The following PTRH2 variants were observed in gnomAD, a reference collection of about 807,000 sequenced individuals.
PTRH2 encodes peptidyl-tRNA hydrolase 2, mitochondrial.
Under a neutral mutation model 12.3 loss-of-function variants are expected in PTRH2, and 10 were observed. The observed-to-expected ratio is 0.81, with a 90% CI of 0.50 to 1.38. PTRH2 has a LOEUF of 1.38. Among genes scored for constraint, PTRH2 ranks in the 40% most tolerant of loss-of-function variants. PTRH2 has a pLI of 0.00. For synonymous variants in PTRH2, 73 were observed against 77.4 expected, an observed-to-expected ratio of 0.94 and a Z score of 0.30; for missense variants, 176 against 214.1, an observed-to-expected ratio of 0.82 and a Z score of 1.11.
intron 1 of PTRH2, among the ~76,000 whole-genome samples, chr17:59,706,422 G>A (rs2143658101): frequency 6.6e-6 from 1 of 152,046 alleles, no homozygotes; most frequent in South Asian, 2.1e-4. Flanking sequence ...AAACTCCTGG[G>A]CTCAAGCAAT....
rs1306175181 is a variant in PTRH2, at chr17:59,697,975, G to C, written c.4C>G (p.Pro2Ala). 1 of 1,610,064 alleles carries C rather than the reference G, an allele frequency of 6.2e-7. No individual in the cohort carries two copies. The highest frequency in any genetic ancestry group is 1.3e-5 in the African/African-American group (1 of 74,904). ...TATTCCATAACCAAGGATTTGGAGG[G>C]CATCTTAAAGGAAAGGAAAACAGTT... M[P>A]SKSLVMEYLA... Residue 2 changes from proline to alanine, a missense_variant, in exon 2 of 2, where the codon CCC becomes GCC. Transcript: ENST00000393038.
At chr17:59,703,841 C>T (rs1227679464) in intron 1 of PTRH2, among the ~76,000 whole-genome samples, 1 of 138,024 alleles carries the variant, frequency 7.2e-6, no homozygotes, top group Non-Finnish European at 1.6e-5. Context: ...CGGAGTCTCA[C>T]TCTATTGCCA....
At position 59,707,423 on chromosome 17, in the gene PTRH2, A is replaced by T. The variant is rs2033708450; in HGVS notation, c.-53T>A. Reference sequence around the variant, plus strand: ...CCTTCCCTTCTTCTGGGCAGCGAACACGTTTCTATCGCGTGAGCTACCTCT... The same window carrying T: ...CCTTCCCTTCTTCTGGGCAGCGAACTCGTTTCTATCGCGTGAGCTACCTCT... On this transcript the variant is annotated 5_prime_UTR_variant, in exon 1 of 2. Transcript: ENST00000393038. 1 of 152,606 alleles carries T rather than the reference A, an allele frequency of 6.6e-6. No homozygotes were observed. 9.5% of individuals were successfully genotyped at this position (152,606 alleles called of 1,614,324 possible).
Position 59,707,376 on chromosome 17 carries a change from G to A in PTRH2, c.-6C>T, listed in dbSNP as rs1598264905. ...TAAGGAGCCAACCAACCTACCTACA[G>A]TACCTCCTTTCCTCACTCGCGCCTT... On this transcript the variant is annotated 5_prime_UTR_variant, in exon 1 of 2. Transcript: ENST00000393038. 2 of 152,788 alleles carry A rather than the reference G, an allele frequency of 1.3e-5. No individual in the cohort carries two copies. Among genetic ancestry groups the A allele is most frequent in the East Asian group, 3.9e-4 (2 of 5,186 alleles). 9.5% of individuals were successfully genotyped at this position (152,788 alleles called of 1,614,324 possible).
rs1194638639 is a variant in PTRH2, at chr17:59,707,145, TAGAA to T, written c.-1+222_-1+225del. On this transcript the variant is annotated intron_variant, in intron 1 of 1. Transcript: ENST00000393038. Reference sequence around the variant, plus strand: ...CCTGCCTGGAGGCTTTGCTGGGAACTAGAAATTCTGAGTCTTCCCCTCCCCAGCA... The same window carrying T: ...CCTGCCTGGAGGCTTTGCTGGGAACTATTCTGAGTCTTCCCCTCCCCAGCA... 3 of 152,284 alleles carry T rather than the reference TAGAA, an allele frequency of 2.0e-5. No homozygotes were observed. The East Asian group carries it at 5.8e-4, about 29-fold the overall frequency. The allele number at this position is 152,284 out of a possible 1,614,324, so 9.4% of individuals were successfully genotyped here.
Position 59,697,927 on chromosome 17 carries a change from C to T in PTRH2, c.52G>A (p.Gly18Ser), listed in dbSNP as rs748645426. The change falls in exon 2 of 2, where the codon GGC (glycine) becomes AGC (serine). Residue 18 changes from glycine to serine, a missense_variant. Gly to Ser is a moderately conservative substitution (Grantham distance 56, BLOSUM62 0). Transcript: ENST00000393038. ...MEYLAHPSTL[G>S]LAVGVACGMC... ...CCACAAGCAACTCCAACAGCCAAGCCGAGTGTACTGGGATGAGCCAAATAT... is the reference window on the plus strand; with the variant it reads ...CCACAAGCAACTCCAACAGCCAAGCTGAGTGTACTGGGATGAGCCAAATAT... 30 of 1,613,858 alleles carry T rather than the reference C, an allele frequency of 1.9e-5. 1 individual carries two copies. Among genetic ancestry groups the T allele is most frequent in the African/African-American group, 6.7e-5 (5 of 74,906 alleles).
intron 1 of PTRH2, chr17:59,698,240 T>G: frequency 2.1e-6 from 1 of 487,492 alleles, no homozygotes; most frequent in Non-Finnish European, 3.7e-6. Flanking sequence ...GTTCAAAAAC[T>G]CTATTCCTCA....
intron 1 of PTRH2, among the ~76,000 whole-genome samples, chr17:59,704,793 CT>C (rs536505282): frequency 1.2e-4 from 18 of 150,340 alleles, no homozygotes; most frequent in East Asian, 9.7e-4. Flanking sequence ...ACAGAGAATT[CT>C]TTTTTTTTTC....
At chr17:59,700,713 A>C (rs2033540760) in intron 1 of PTRH2, 1 of 152,142 alleles carries the variant, frequency 6.6e-6, no homozygotes, top group African/African-American at 2.4e-5. Flanking sequence ...AGCATATTTA[A>C]ATGTTAATAG....
rs1251891874 is a variant in PTRH2 at position 59,697,979 on chromosome 17, C to T, written c.1-1G>A. 6.2e-7 allele frequency: 1 copy of T among 1,609,500 alleles called. No homozygotes were observed. The highest frequency in any genetic ancestry group is 8.5e-7 in the Non-Finnish European group (1 of 1,178,738). On this transcript the variant is annotated splice_acceptor_variant, in intron 1 of 1. Coordinates refer to ENST00000393038, the MANE Select transcript of PTRH2 (RefSeq NM_016077.5). LOFTEE classifies it low-confidence loss of function (5UTR_SPLICE). ...CCATAACCAAGGATTTGGAGGGCATCTTAAAGGAAAGGAAAACAGTTATCA... is the reference window on the plus strand; with the variant it reads ...CCATAACCAAGGATTTGGAGGGCATTTTAAAGGAAAGGAAAACAGTTATCA...
At chr17:59,706,109 ATGTC>A (rs2033648935) in intron 1 of PTRH2, among the ~76,000 whole-genome samples, 1 of 152,174 alleles carries the variant, frequency 6.6e-6, no homozygotes. Context: ...CTAAAACAAC[ATGTC>A]TGTCTCTTTT....
intron 1 of PTRH2, chr17:59,700,090 G>T (rs773257034): frequency 1.4e-4 from 21 of 152,194 alleles, no homozygotes; most frequent in African/African-American, 2.4e-5. Context: ...TGCAAAACTC[G>T]AAGTACAGTT....
chr17:59,702,483 A>T (rs2033571044), intron 1 of PTRH2, among the ~76,000 whole-genome samples: 1 of 152,118 alleles, frequency 6.6e-6, no homozygotes, highest in Non-Finnish European at 1.5e-5. Context: ...AATACAGATA[A>T]AACTTCACTC....
At chr17:59,704,027 C>T (rs1178853351) in intron 1 of PTRH2, among the ~76,000 whole-genome samples, 1 of 151,300 alleles carries the variant, frequency 6.6e-6, no homozygotes, top group Non-Finnish European at 1.5e-5. Context: ...AGGCTAGTCT[C>T]GAGCTCCTGA....
chr17:59,698,807 T>G, intron 1 of PTRH2: 1 of 701,600 alleles, frequency 1.4e-6, no homozygotes, highest in African/African-American at 1.8e-5. Context: ...TATAATAGTG[T>G]TGAATATCTC....
rs150573570 is a variant in PTRH2, at chr17:59,701,768, C to T, written c.1-3790G>A. ...TCGCCCAGGCTAGCATGCAGTGGCGCGATCTCAGCTCACTGCCAGCTCCGC... is the reference window on the plus strand; with the variant it reads ...TCGCCCAGGCTAGCATGCAGTGGCGTGATCTCAGCTCACTGCCAGCTCCGC... On this transcript the variant is annotated intron_variant, in intron 1 of 1. Transcript: ENST00000393038. Among the ~76,000 whole-genome samples, 1,122 of 152,132 alleles carry T rather than the reference C, an allele frequency of 7.4e-3. 3 individuals are homozygous for T. Among genetic ancestry groups the T allele is most frequent in the Non-Finnish European group, 0.011 (762 of 67,990 alleles).
chr17:59,704,989 T>C (rs1373386707), intron 1 of PTRH2, among the ~76,000 whole-genome samples: 1 of 152,122 alleles, frequency 6.6e-6, no homozygotes, highest in African/African-American at 2.4e-5. Context: ...GGTTTCACCA[T>C]GTTGGCCAGG....
At chr17:59,706,775 G>C (rs1235020583) in intron 1 of PTRH2, among the ~76,000 whole-genome samples, 5 of 151,476 alleles carry the variant, frequency 3.3e-5, no homozygotes, top group Non-Finnish European at 2.9e-5. Context: ...CCGAGTTCAA[G>C]TCATTCTCCT....
intron 1 of PTRH2, chr17:59,699,326 A>G (rs755625922): frequency 1.2e-5 from 2 of 163,142 alleles, no homozygotes; most frequent in African/African-American, 2.4e-5. Context: ...CCTCCAGTGC[A>G]ATCAGCTCCT....
Sources: allele counts gnomAD v4.1 joint callset (sites outside exome capture counted in the v4.1 genomes callset), GRCh38; gene constraint gnomAD v4.1.1; transcripts MANE v1.5; gene names NCBI Gene and HGNC (gene_info 2026-07-23, HGNC 2026-07-21).